Variants in NPR2 observed in about 807,000 individuals in gnomAD.
The protein encoded by NPR2 is atrial natriuretic peptide receptor 2.
Under a neutral mutation model 120.7 loss-of-function variants are expected in NPR2, and 49 were observed. The ratio of observed to expected loss-of-function variants is 0.41; its 90% confidence interval spans 0.32 to 0.52. NPR2 has a LOEUF of 0.52. NPR2 is among the 20% of genes least tolerant of loss of function. NPR2 has a pLI of 0.36. For synonymous variants in NPR2, 484 were observed against 519.8 expected (o/e 0.93, Z 0.94); for missense variants, 931 against 1,362.9 (o/e 0.68, Z 4.99).
At position 35,809,062 on chromosome 9, in the gene NPR2, T is replaced by C. The variant is rs540758082; in HGVS notation, c.2987-94T>C. 3 of 1,241,910 alleles carry C rather than the reference T, an allele frequency of 2.4e-6. No homozygotes were observed. The East Asian group carries it at 6.9e-5, about 29-fold the overall frequency. The allele number at this position is 1,241,910 out of a possible 1,614,324, so 76.9% of individuals were successfully genotyped here. ...GCATTGGGAGCTTCCCAGGGATGGT[T>C]GGTCGGGCACGGTGCTATACAGTAT... is the stretch of plus-strand genomic sequence containing the variant. On this transcript the variant is annotated intron_variant, in intron 20 of 21. Coordinates refer to ENST00000342694, the MANE Select transcript of NPR2 (RefSeq NM_003995.4). The surrounding 1 kb of genome is among the most constrained non-coding windows in gnomAD (Gnocchi z 4.1).
At chr9:35,801,531 G>A (rs1447331131) in intron 7 of NPR2, 112 bp from the exon 8 acceptor site, 38 of 1,112,968 alleles carry the variant, frequency 3.4e-5, no homozygotes, top group Non-Finnish European at 5.2e-5. Context: ...CTGTCTCTCA[G>A]GTGTAACAGT....
chr9:35,799,879 A>G (rs1158371338), intron 3 of NPR2, 143 bp from the exon 4 acceptor site: 2 of 1,412,896 alleles, frequency 1.4e-6, no homozygotes, highest in East Asian at 2.3e-5. Flanking sequence ...TGCCCTATGG[A>G]GTAGTTAGGA....
chr9:35,806,621 C>T lies in NPR2; in HGVS notation c.2519+83C>T. On this transcript the variant is annotated intron_variant, in intron 16 of 21. Coordinates refer to ENST00000342694, the MANE Select transcript of NPR2 (RefSeq NM_003995.4). This position sits in a 1 kb window ranked among gnomAD's most constrained non-coding sequence, Gnocchi z 4.6. ...GCCTCATCAGGCACCTGAGAACTCG[C>T]CTCCCCACCCTCAGAACCCTGCTGG... 3 of 1,469,544 alleles carry T rather than the reference C, an allele frequency of 2.0e-6. No homozygotes were observed. Among genetic ancestry groups the T allele is most frequent in the Non-Finnish European group, 2.9e-6 (3 of 1,050,888 alleles). 91.0% of individuals were successfully genotyped at this position (1,469,544 alleles called of 1,614,324 possible).
chr9:35,801,766 G>A lies in NPR2; in HGVS notation c.1557+3G>A, dbSNP rs745849788. 10 of 1,614,160 alleles carry A rather than the reference G, an allele frequency of 6.2e-6. No homozygotes were observed. In the East Asian group the frequency reaches 1.6e-4, roughly 25 times the overall value. ...GCAGTCGCCTCACACTGTCGCTGGT[G>A]AGCCCTTGTCTCAGCTGTTCCTCTG... is the stretch of plus-strand genomic sequence containing the variant. On this transcript the variant is annotated splice_donor_region_variant and intron_variant, in intron 8 of 21. Transcript: ENST00000342694.
In NPR2 at chr9:35,809,274, C is replaced by T. The variant is rs1399148983; in HGVS notation, c.3078+27C>T. 1.2e-6 allele frequency: 2 copies of T among 1,609,612 alleles called. No individual in the cohort carries two copies. Among genetic ancestry groups the T allele is most frequent in the Admixed American group, 3.3e-5 (2 of 59,952 alleles). ...TGATGGCAGGCCATGGGGAGGGGGG[C>T]ATGGAAAGGGAGGGTGAAAGTGATT... On this transcript the variant is annotated intron_variant, in intron 21 of 21. Coordinates refer to ENST00000342694, the MANE Select transcript of NPR2 (RefSeq NM_003995.4). The surrounding 1 kb of genome is among the most constrained non-coding windows in gnomAD (Gnocchi z 4.1).
In NPR2 at chr9:35,807,447, G is replaced by A. The variant is rs375857786; in HGVS notation, c.2712+49G>A. The stretch of plus-strand genomic sequence containing the variant: ...ATAGAAGACCCTTTAATAGAGACCC[G>A]CTTTGAAACTCAGTCTCCCTGAACC... On this transcript the variant is annotated intron_variant, in intron 18 of 21. Transcript: ENST00000342694. 1.9e-4 allele frequency: 270 copies of A among 1,430,098 alleles called. 1 individual carries two copies. Among genetic ancestry groups the A allele is most frequent in the Non-Finnish European group, 2.0e-4 (207 of 1,012,348 alleles). 88.6% of individuals were successfully genotyped at this position (1,430,098 alleles called of 1,614,324 possible).
At position 35,802,176 on chromosome 9, in the gene NPR2, T is replaced by C. The variant is rs781448363; in HGVS notation, c.1633-30T>C. 1 of 1,490,558 alleles carries C rather than the reference T, an allele frequency of 6.7e-7. No homozygotes were observed. The highest frequency in any genetic ancestry group is 1.1e-5 in the South Asian group (1 of 88,572). 92.3% of individuals were successfully genotyped at this position (1,490,558 alleles called of 1,614,324 possible). A position where few individuals can be genotyped will look rare whatever the true frequency, so the allele number is the denominator to read the frequency against. On this transcript the variant is annotated intron_variant, in intron 9 of 21. Transcript: ENST00000342694. The surrounding 1 kb of genome is among the most constrained non-coding windows in gnomAD (Gnocchi z 4.2). Reference sequence around the variant, plus strand: ...TGTACCCAGAACTTCTGATATTCACTTTCCTTTCCCCTTTCACTCCCACCA... The same window carrying C: ...TGTACCCAGAACTTCTGATATTCACCTTCCTTTCCCCTTTCACTCCCACCA...
chr9:35,792,414 G>T lies in NPR2; in HGVS notation c.6G>T (p.Ala2=). 6.2e-7 allele frequency: 1 copy of T among 1,610,848 alleles called. No individual in the cohort carries two copies. The highest frequency in any genetic ancestry group is 1.3e-5 in the African/African-American group (1 of 75,004). Residue 2 remains alanine, a synonymous_variant, in exon 1 of 22, where the codon GCG becomes GCT. Coordinates refer to ENST00000342694, the MANE Select transcript of NPR2 (RefSeq NM_003995.4). M[A]LPSLLLLVAA... ...GGGGCTGCTGCTTTATCCCCATGGC[G>T]CTGCCATCACTTCTGCTGTTGGTGG...
At chr9:35,793,119 G>T (rs767623050) in intron 1 of NPR2, 44 bp downstream of exon 1, 4 of 1,532,830 alleles carry the variant, frequency 2.6e-6, no homozygotes, top group East Asian at 2.3e-5. Context: ...GAGGAGGGTC[G>T]CTGTGTCCCT....
In NPR2 at chr9:35,809,054, G is replaced by T; in HGVS notation, c.2987-102G>T. On this transcript the variant is annotated intron_variant, in intron 20 of 21. Transcript: ENST00000342694. The surrounding 1 kb of genome is among the most constrained non-coding windows in gnomAD (Gnocchi z 4.1). ...ATAGATATGCATTGGGAGCTTCCCA[G>T]GGATGGTTGGTCGGGCACGGTGCTA... 1 of 1,190,002 alleles carries T rather than the reference G, an allele frequency of 8.4e-7. No individual in the cohort carries two copies. 73.7% of individuals were successfully genotyped at this position (1,190,002 alleles called of 1,614,324 possible).
Position 35,801,058 on chromosome 9 carries a change from T to C in NPR2, c.1352-12T>C. ...CACACAGTCTTCCTCAGGGTCTCTA[T>C]TTCCCCTTCAGCTCCACTTTCAACC... On this transcript the variant is annotated splice_polypyrimidine_tract_variant and intron_variant, in intron 6 of 21. Coordinates refer to ENST00000342694, the MANE Select transcript of NPR2 (RefSeq NM_003995.4). The C allele has an allele frequency of 6.2e-7, 1 of 1,611,330 alleles. No individual in the cohort carries two copies. Among genetic ancestry groups the C allele is most frequent in the Non-Finnish European group, 8.5e-7 (1 of 1,177,412 alleles).
In NPR2 at chr9:35,809,716, A is replaced by G; in HGVS notation, c.*271A>G. 7.8e-7 allele frequency: 1 copy of G among 1,280,142 alleles called. No homozygotes were observed. Among genetic ancestry groups the G allele is most frequent in the Non-Finnish European group, 1.1e-6 (1 of 900,830 alleles). 79.3% of individuals were successfully genotyped at this position (1,280,142 alleles called of 1,614,324 possible). A position where few individuals can be genotyped will look rare whatever the true frequency, so the allele number is the denominator to read the frequency against. On this transcript the variant is annotated 3_prime_UTR_variant, in exon 22 of 22. Coordinates refer to ENST00000342694, the MANE Select transcript of NPR2 (RefSeq NM_003995.4). The surrounding 1 kb of genome is among the most constrained non-coding windows in gnomAD (Gnocchi z 4.1). ...TGGTCAAATATAAAACAATAATAAAAAAAGTTCTGATGTCATAGTGTGGGA... is the reference window on the plus strand; with the variant it reads ...TGGTCAAATATAAAACAATAATAAAGAAAGTTCTGATGTCATAGTGTGGGA...
rs780162324 is a variant in NPR2, at chr9:35,807,193, G to GA, written c.2643+48dup. 3.0e-6 allele frequency: 4 copies of GA among 1,336,858 alleles called. No homozygotes were observed. In the African/African-American group the frequency reaches 5.8e-5, roughly 19 times the overall value. 82.8% of individuals were successfully genotyped at this position (1,336,858 alleles called of 1,614,324 possible). A position where few individuals can be genotyped will look rare whatever the true frequency, so the allele number is the denominator to read the frequency against. On this transcript the variant is annotated intron_variant, in intron 17 of 21. Coordinates refer to ENST00000342694, the MANE Select transcript of NPR2 (RefSeq NM_003995.4). ...TGGCGGGTGGGGTTGGGTGGGTAGG[G>GA]ACCTGGGGAAGCCTCATTGATAATA...
rs931006759 is a variant in NPR2, at chr9:35,800,433, A to G, written c.1168A>G (p.Thr390Ala). Reference sequence around the variant, plus strand: ...CATGGACAAGAACAATGACCGAGAGACTGACTTTGTCCTCTGGGCCATGGG... The same window carrying G: ...CATGGACAAGAACAATGACCGAGAGGCTGACTTTGTCCTCTGGGCCATGGG... ...VVMDKNNDRE[T>A]DFVLWAMGDL... The change falls in exon 5 of 22, where the codon ACT becomes GCT. Residue 390 changes from threonine to alanine, a missense_variant. Physicochemically the swap from Thr to Ala is moderately conservative, Grantham distance 58. Transcript: ENST00000342694. The surrounding 1 kb of genome is among the most constrained non-coding windows in gnomAD (Gnocchi z 4.7). 1 of 1,613,922 alleles carries G rather than the reference A, an allele frequency of 6.2e-7. No homozygotes were observed. Among genetic ancestry groups the G allele is most frequent in the Non-Finnish European group, 8.5e-7 (1 of 1,179,980 alleles).
rs756636937 is a variant in NPR2, at chr9:35,808,159, C to A, written c.2713-350C>A. On this transcript the variant is annotated intron_variant, in intron 18 of 21. Coordinates refer to ENST00000342694, the MANE Select transcript of NPR2 (RefSeq NM_003995.4). The surrounding 1 kb of genome is among the most constrained non-coding windows in gnomAD (Gnocchi z 4.0). ...GGGCTGTCAGGTCCATTTCACTGGG[C>A]CTGCTTTACCTCCTCACCAGCCTCT... 6.2e-7 allele frequency: 1 copy of A among 1,602,380 alleles called. No homozygotes were observed. The highest frequency in any genetic ancestry group is 8.6e-7 in the Non-Finnish European group (1 of 1,169,410).
At position 35,806,634 on chromosome 9, in the gene NPR2, A is replaced by G; in HGVS notation, c.2519+96A>G. 1 of 1,373,128 alleles carries G rather than the reference A, an allele frequency of 7.3e-7. No homozygotes were observed. The highest frequency in any genetic ancestry group is 1.0e-6 in the Non-Finnish European group (1 of 964,198). The allele number at this position is 1,373,128 out of a possible 1,614,324, so 85.1% of individuals were successfully genotyped here. ...CCTGAGAACTCGCCTCCCCACCCTCAGAACCCTGCTGGCCACAGGGAGCAC... is the reference window on the plus strand; with the variant it reads ...CCTGAGAACTCGCCTCCCCACCCTCGGAACCCTGCTGGCCACAGGGAGCAC... On this transcript the variant is annotated intron_variant, in intron 16 of 21. Transcript: ENST00000342694. This position sits in a 1 kb window ranked among gnomAD's most constrained non-coding sequence, Gnocchi z 4.6.
In NPR2 at chr9:35,806,601, A is replaced by G; in HGVS notation, c.2519+63A>G. 1 of 1,595,946 alleles carries G rather than the reference A, an allele frequency of 6.3e-7. No individual in the cohort carries two copies. Among genetic ancestry groups the G allele is most frequent in the Non-Finnish European group, 8.6e-7 (1 of 1,164,434 alleles). On this transcript the variant is annotated intron_variant, in intron 16 of 21. Coordinates refer to ENST00000342694, the MANE Select transcript of NPR2 (RefSeq NM_003995.4). The surrounding 1 kb of genome is among the most constrained non-coding windows in gnomAD (Gnocchi z 4.6). Reference sequence around the variant, plus strand: ...ATTCTGCTCTGTTGGGCTCTGCCTCATCAGGCACCTGAGAACTCGCCTCCC... The same window carrying G: ...ATTCTGCTCTGTTGGGCTCTGCCTCGTCAGGCACCTGAGAACTCGCCTCCC...
At position 35,809,030 on chromosome 9, in the gene NPR2, T is replaced by C; in HGVS notation, c.2987-126T>C. 4 of 1,045,716 alleles carry C rather than the reference T, an allele frequency of 3.8e-6. No homozygotes were observed. The highest frequency in any genetic ancestry group is 6.0e-6 in the Non-Finnish European group (4 of 666,948). 64.8% of individuals were successfully genotyped at this position (1,045,716 alleles called of 1,614,324 possible). ...GAGGTTGGGCATATTTTGGTCCTAA[T>C]AGATATGCATTGGGAGCTTCCCAGG... On this transcript the variant is annotated intron_variant, in intron 20 of 21. Coordinates refer to ENST00000342694, the MANE Select transcript of NPR2 (RefSeq NM_003995.4). The surrounding 1 kb of genome is among the most constrained non-coding windows in gnomAD (Gnocchi z 4.1).
chr9:35,800,739 C>A lies in NPR2; in HGVS notation c.1249C>A (p.Gln417Lys), dbSNP rs796065356. The part of the protein sequence containing the change: ...PAAHYSGAEK[Q>K]IWWTGRPIPW... Reference sequence around the variant, plus strand: ...AGCCCACTACTCGGGAGCTGAGAAGCAGATTTGGTGGACGGGACGGCCTAT... The same window carrying A: ...AGCCCACTACTCGGGAGCTGAGAAGAAGATTTGGTGGACGGGACGGCCTAT... The change falls in exon 6 of 22, where the codon CAG becomes AAG. Residue 417 changes from glutamine (Q) to lysine (K), a missense_variant. Gln to Lys is a moderately conservative substitution (Grantham distance 53). This residue lies in a region of NPR2 where 681 missense variants were observed against 974.3 expected (regional missense o/e 0.70). Coordinates refer to ENST00000342694, the MANE Select transcript of NPR2 (RefSeq NM_003995.4). This position sits in a 1 kb window ranked among gnomAD's most constrained non-coding sequence, Gnocchi z 4.7. The A allele has an allele frequency of 1.2e-6, 2 of 1,614,050 alleles. No homozygotes were observed. Among genetic ancestry groups the A allele is most frequent in the African/African-American group, 1.3e-5 (1 of 74,910 alleles).
Sources: gnomAD v4.1 joint callset for allele counts on GRCh38, gnomAD v4.1.1 for gene constraint, gnomAD v4.1.1 regional missense constraint, Gnocchi (gnomAD v3.1) non-coding constraint, MANE v1.5 for transcripts, NCBI Gene and HGNC (gene_info 2026-07-23, HGNC 2026-07-21) for gene names.